Variants in LPCAT1 observed in about 807,000 individuals in gnomAD.
LPCAT1 encodes 1-acylglycerol-3-phosphate O-acyltransferase.
Under a neutral mutation model 60.9 loss-of-function variants are expected in LPCAT1, and 23 were observed. The observed-to-expected ratio is 0.38, with a 90% CI of 0.27 to 0.53. The LOEUF is 0.53. Among genes scored for constraint, LPCAT1 ranks in the 20% least tolerant of loss-of-function variants. The pLI, the probability that LPCAT1 is intolerant of heterozygous loss-of-function variation, is 0.82. For synonymous variants in LPCAT1, 340 were observed against 301.1 expected (o/e 1.13, Z -1.34); for missense variants, 622 against 723.6 (o/e 0.86, Z 1.61).
chr5:1,502,664 G>A lies in LPCAT1; in HGVS notation c.136-1061C>T, dbSNP rs1052995881. On this transcript the variant is annotated intron_variant, in intron 1 of 13. Coordinates refer to ENST00000283415, the MANE Select transcript of LPCAT1 (RefSeq NM_024830.5). The surrounding 1 kb of genome is among the most constrained non-coding windows in gnomAD (Gnocchi z 5.5). ...TAGAGGGGCGGGAGGCTTTGGGTGA[G>A]GGGAAACACCAGTCCTGAGGTGCAG... Among the ~76,000 whole-genome samples, 2 of 152,018 alleles carry A rather than the reference G, an allele frequency of 1.3e-5. No homozygotes were observed. The highest frequency in any genetic ancestry group is 2.4e-5 in the African/African-American group (1 of 41,402).
intron 1 of LPCAT1, among the ~76,000 whole-genome samples, chr5:1,518,551 A>T (rs879407243): frequency 2.3e-4 from 35 of 152,338 alleles, no homozygotes; most frequent in Admixed American, 2.2e-3. Context: ...CGTGTTAGCC[A>T]GGATGGTCTC....
chr5:1,484,107 G>C (rs1253422889), intron 5 of LPCAT1, among the ~76,000 whole-genome samples: 1 of 152,212 alleles, frequency 6.6e-6, no homozygotes, highest in Non-Finnish European at 1.5e-5. Context: ...GGCGGATTTG[G>C]TCACAGCTGC....
chr5:1,512,473 G>T (rs1736386697), intron 1 of LPCAT1, among the ~76,000 whole-genome samples: 1 of 152,218 alleles, frequency 6.6e-6, no homozygotes, highest in South Asian at 2.1e-4. Context: ...CAACATCTGG[G>T]GCAAGCACCC....
intron 13 of LPCAT1, among the ~76,000 whole-genome samples, chr5:1,465,748 A>G (rs550847884): frequency 6.8e-5 from 10 of 147,526 alleles, no homozygotes; most frequent in South Asian, 2.3e-4. Flanking sequence ...AAGCATGCAC[A>G]TGTGTACACA....
intron 1 of LPCAT1, among the ~76,000 whole-genome samples, chr5:1,512,258 C>A (rs949843849): frequency 3.3e-5 from 5 of 152,218 alleles, no homozygotes; most frequent in African/African-American, 1.2e-4. Flanking sequence ...CCTCCATGCC[C>A]CATGTCCAAT....
At chr5:1,497,877 G>T (rs948213735) in intron 2 of LPCAT1, among the ~76,000 whole-genome samples, 1 of 152,212 alleles carries the variant, frequency 6.6e-6, no homozygotes, top group Admixed American at 6.5e-5. Context: ...TCAGCCAAGG[G>T]GCAGCCCCTG....
rs755376822 is a variant in LPCAT1 at position 1,496,417 on chromosome 5, C to CAA, written c.279-1505_279-1504dup. Among the ~76,000 whole-genome samples, 2,334 of 121,954 alleles carry CAA rather than the reference C, an allele frequency of 0.019. 81 individuals are homozygous for CAA. Among genetic ancestry groups the CAA allele is most frequent in the African/African-American group, 0.065 (2,199 of 33,804 alleles). 80.0% of individuals were successfully genotyped at this position (121,954 alleles called of 152,430 possible). Reference sequence around the variant, plus strand: ...TCTTCTGTGCACATGTTATTTTCCACAAAAAAAAAAAAAAAGTACAAAAAC... The same window carrying CAA: ...TCTTCTGTGCACATGTTATTTTCCACAAAAAAAAAAAAAAAAAGTACAAAAAC... On this transcript the variant is annotated intron_variant, in intron 2 of 13. Transcript: ENST00000283415. The surrounding 1 kb of genome is among the most constrained non-coding windows in gnomAD (Gnocchi z 4.7).
Position 1,480,699 on chromosome 5 carries a change from T to A in LPCAT1, c.761+243A>T, listed in dbSNP as rs568636415. Among the ~76,000 whole-genome samples, 2 of 152,272 alleles carry A rather than the reference T, an allele frequency of 1.3e-5. No individual in the cohort carries two copies. The highest frequency in any genetic ancestry group is 6.5e-5 in the Admixed American group (1 of 15,300). ...TGAGCTGGCAAACTCGAGAGCCGAATGCAAGACTCACAGTTCCCTTCCTGC... is the reference window on the plus strand; with the variant it reads ...TGAGCTGGCAAACTCGAGAGCCGAAAGCAAGACTCACAGTTCCCTTCCTGC... On this transcript the variant is annotated intron_variant, in intron 7 of 13. Transcript: ENST00000283415. The surrounding 1 kb of genome is among the most constrained non-coding windows in gnomAD (Gnocchi z 6.4).
intron 1 of LPCAT1, among the ~76,000 whole-genome samples, chr5:1,518,004 G>C (rs1404034409): frequency 6.6e-6 from 1 of 152,274 alleles, no homozygotes; most frequent in Non-Finnish European, 1.5e-5. Flanking sequence ...GGAAGCATTT[G>C]CAAAGTCTGA....
At position 1,513,094 on chromosome 5, in the gene LPCAT1, C is replaced by T. The variant is rs1005108793; in HGVS notation, c.135+10616G>A. On this transcript the variant is annotated intron_variant, in intron 1 of 13. Coordinates refer to ENST00000283415, the MANE Select transcript of LPCAT1 (RefSeq NM_024830.5). ...AGGCAGGGTGGCTATGTGAGCATCA[C>T]AGCCGATGCCCCAGTTCCTGCTTCA... Among the ~76,000 whole-genome samples the T allele has an allele frequency of 2.0e-5, 3 of 152,212 alleles. No homozygotes were observed. The East Asian group carries it at 5.8e-4, about 29-fold the overall frequency.
intron 1 of LPCAT1, among the ~76,000 whole-genome samples, chr5:1,515,952 AC>A (rs1736495156): frequency 6.6e-6 from 1 of 152,196 alleles, no homozygotes; most frequent in Non-Finnish European, 1.5e-5. Context: ...GGCAAGGCTG[AC>A]CCCTGCTCAG....
At position 1,496,867 on chromosome 5, in the gene LPCAT1, C is replaced by G. The variant is rs1735813488; in HGVS notation, c.279-1953G>C. 6.6e-6 allele frequency among the ~76,000 whole-genome samples: 1 copy of G among 152,210 alleles called. No homozygotes were observed. The highest frequency in any genetic ancestry group is 1.5e-5 in the Non-Finnish European group (1 of 68,028). ...CACCCCAAGGCAAAGGGAGCCAGCA[C>G]AAGCCCAGGGTGCTCAGGTGCCTGG... On this transcript the variant is annotated intron_variant, in intron 2 of 13. Transcript: ENST00000283415. This position sits in a 1 kb window ranked among gnomAD's most constrained non-coding sequence, Gnocchi z 4.7.
intron 1 of LPCAT1, among the ~76,000 whole-genome samples, chr5:1,518,641 A>C (rs752296784): frequency 6.6e-6 from 1 of 152,228 alleles, no homozygotes; most frequent in Non-Finnish European, 1.5e-5. Context: ...CGCCCGGCCC[A>C]CAGTAAAAAC....
At chr5:1,474,421 T>A in intron 10 of LPCAT1, 139 bp downstream of exon 10, 1 of 1,212,852 alleles carries the variant, frequency 8.2e-7, no homozygotes, top group Non-Finnish European at 1.1e-6. Flanking sequence ...TATGTGGGCT[T>A]AAGTTGATAT....
chr5:1,475,257 G>A lies in LPCAT1; in HGVS notation c.900-572C>T, dbSNP rs546834331. 2.0e-5 allele frequency among the ~76,000 whole-genome samples: 3 copies of A among 152,348 alleles called. No individual in the cohort carries two copies. In the South Asian group the frequency reaches 6.2e-4, roughly 32 times the overall value. ...GCTGAAGTTCCCCTTGGCAAACTTA[G>A]GCATCATCATTTGGAACAGGAGAGT... On this transcript the variant is annotated intron_variant, in intron 9 of 13. Coordinates refer to ENST00000283415, the MANE Select transcript of LPCAT1 (RefSeq NM_024830.5).
intron 1 of LPCAT1, among the ~76,000 whole-genome samples, chr5:1,508,379 G>GCA (rs1736249324): frequency 2.6e-5 from 4 of 152,180 alleles, no homozygotes; most frequent in Non-Finnish European, 4.4e-5. Flanking sequence ...TTGGAGAAGG[G>GCA]GCTGTTAGAG....
rs1735227921 is a variant in LPCAT1, at chr5:1,483,194, G to A, written c.726+234C>T. ...GGGACCACTGTGGAATCATGGGGTT[G>A]ATCAGGGACACGTGCATAGAACAGG... On this transcript the variant is annotated intron_variant, in intron 6 of 13. Coordinates refer to ENST00000283415, the MANE Select transcript of LPCAT1 (RefSeq NM_024830.5). This position sits in a 1 kb window ranked among gnomAD's most constrained non-coding sequence, Gnocchi z 9.2. Among the ~76,000 whole-genome samples the A allele has an allele frequency of 6.6e-6, 1 of 152,186 alleles. No homozygotes were observed. The highest frequency in any genetic ancestry group is 6.5e-5 in the Admixed American group (1 of 15,282).
At position 1,494,821 on chromosome 5, in the gene LPCAT1, G is replaced by A; in HGVS notation, c.372C>T (p.Pro124=). The A allele has an allele frequency of 6.2e-7, 1 of 1,613,682 alleles. No homozygotes were observed. The part of the protein sequence containing the change: ...RVAVKGRQAL[P]TEAAILTLAP... The stretch of plus-strand genomic sequence containing the variant: ...CGAGCGTGAGGATGGCCGCCTCGGT[G>A]GGCAGCGCCTGCCGCCCCTTCACGG... The change falls in exon 3 of 14, where the codon CCC becomes CCT. Residue 124 remains proline (P), a synonymous_variant. Coordinates refer to ENST00000283415, the MANE Select transcript of LPCAT1 (RefSeq NM_024830.5).
intron 5 of LPCAT1, among the ~76,000 whole-genome samples, chr5:1,484,625 A>G (rs1735301382): frequency 6.6e-6 from 1 of 152,142 alleles, no homozygotes; most frequent in Non-Finnish European, 1.5e-5. Context: ...GCTTGCCCCT[A>G]GGGCTGCCAG....
Sources: allele counts gnomAD v4.1 joint callset (sites outside exome capture counted in the v4.1 genomes callset), GRCh38; gene constraint gnomAD v4.1.1; non-coding constraint Gnocchi (gnomAD v3.1); transcripts MANE v1.5; gene names NCBI Gene and HGNC (gene_info 2026-07-23, HGNC 2026-07-21).